Variants in DKC1 observed in about 807,000 individuals in gnomAD.
DKC1 encodes the protein H/ACA ribonucleoprotein complex subunit DKC1.
A neutral mutation model predicts 46.7 loss-of-function variants in DKC1; 4 were observed. The ratio of observed to expected loss-of-function variants is 0.09; its 90% CI spans 0.04 to 0.20. DKC1 has a LOEUF of 0.20. Among genes scored for constraint, DKC1 ranks in the 10% least tolerant of loss-of-function variants. The pLI is 1.00. For synonymous variants in DKC1, 141 were observed against 142.4 expected (o/e 0.99, Z 0.07); for missense variants, 171 against 404.2 (o/e 0.42, Z 4.95).
In DKC1 at chrX:154,777,260, T is replaced by C. The variant is rs1347696333; in HGVS notation, c.*393T>C. 1 of 170,537 alleles carries C rather than the reference T, an allele frequency of 5.9e-6. No homozygotes were observed. The highest frequency in any genetic ancestry group is 7.4e-5 in the Admixed American group (1 of 13,572). 14.1% of individuals were successfully genotyped at this position (170,537 alleles called of 1,213,427 possible). ...AAAACAAAAAACTAAGTCTGCTCAG[T>C]GAAATGCTGTAGAACCCTAAATAAG... On this transcript the variant is annotated 3_prime_UTR_variant, in exon 15 of 15. Transcript: ENST00000369550.
At position 154,766,488 on chromosome X, in the gene DKC1, T is replaced by C. The variant is rs2071746767; in HGVS notation, c.448+88T>C. The C allele has an allele frequency of 1.3e-5, 12 of 903,603 alleles. No individual in the cohort carries two copies. In the South Asian group the frequency reaches 2.7e-4, roughly 20 times the overall value. The allele number at this position is 903,603 out of a possible 1,213,427, so 74.5% of individuals were successfully genotyped here. On this transcript the variant is annotated intron_variant, in intron 5 of 14. Transcript: ENST00000369550. ...GTTTTGTCTGCTGGAAACTATTTCT[T>C]CATTAAGAAAAAAAAAAATCCTAAA...
chrX:154,766,664 C>T (rs940761886), intron 5 of DKC1: 8 of 433,058 alleles, frequency 1.8e-5, no homozygotes, highest in East Asian at 7.7e-5. Context: ...TCACTCCAGG[C>T]TTCTCACTCT....
chrX:154,768,648 C>A (rs782625895), intron 8 of DKC1: 1 of 530,104 alleles, frequency 1.9e-6, no homozygotes, highest in Admixed American at 2.5e-5. Context: ...ATTTGCCTCC[C>A]AGCCTACAAA....
intron 3 of DKC1, 89 bp from the exon 4 acceptor site, chrX:154,765,818 A>T: frequency 1.4e-6 from 1 of 709,949 alleles, no homozygotes; most frequent in Non-Finnish European, 2.3e-6. Context: ...GACCTATGCC[A>T]GTTTGTGGGC....
At chrX:154,773,655 G>A (rs781882995) in intron 11 of DKC1, among the ~76,000 whole-genome samples, 4,266 of 110,420 alleles carry the variant, frequency 0.039, 279 homozygotes, top group African/African-American at 0.14. Context: ...AGGCAGAAGA[G>A]TTTTTCTTAG....
At chrX:154,776,721 T>A (rs782558851) in intron 14 of DKC1, 78 bp from the exon 15 acceptor site, 6 of 1,020,632 alleles carry the variant, frequency 5.9e-6, no homozygotes, top group Non-Finnish European at 8.3e-6. Flanking sequence ...CTGTGGACCT[T>A]TACCAGATTT....
chrX:154,769,187 T>C lies in DKC1; in HGVS notation c.792T>C (p.His264=). The change falls in exon 9 of 15, where the codon CAT becomes CAC. Residue 264 remains histidine, a synonymous_variant. Coordinates refer to ENST00000369550, the MANE Select transcript of DKC1 (RefSeq NM_001363.5). ...TTCAGGACCACATGGTGACAATGCA[T>C]GATGTGCTTGATGCTCAGTGGCTGT... ...MSEKDHMVTM[H]DVLDAQWLYD... is the part of the protein sequence containing the mutation. 1 of 1,210,349 alleles carries C rather than the reference T, an allele frequency of 8.3e-7. No individual in the cohort carries two copies. The highest frequency in any genetic ancestry group is 1.1e-6 in the Non-Finnish European group (1 of 894,789).
intron 5 of DKC1, 52 bp downstream of exon 5, chrX:154,766,452 T>C (rs781795217): frequency 1.2e-5 from 13 of 1,063,832 alleles, no homozygotes; most frequent in Non-Finnish European, 1.7e-5. Flanking sequence ...CTTTCTGTAT[T>C]TCCCTTCTAT....
At position 154,765,479 on chromosome X, in the gene DKC1, T is replaced by G; in HGVS notation, c.120T>G (p.Pro40=). 1.7e-6 allele frequency: 2 copies of G among 1,211,034 alleles called. No individual in the cohort carries two copies. Among genetic ancestry groups the G allele is most frequent in the Non-Finnish European group, 2.2e-6 (2 of 894,373 alleles). ...IQHAEEFLIK[P]ESKVAKLDTS... is the part of the protein sequence containing the mutation. ...ACGCTGAAGAATTTCTTATCAAACCTGAATCCAAAGTTGCTAAGTTGGACA... is the reference window on the plus strand; with the variant it reads ...ACGCTGAAGAATTTCTTATCAAACCGGAATCCAAAGTTGCTAAGTTGGACA... The change falls in exon 3 of 15, where the codon CCT becomes CCG. Residue 40 remains proline (P), a synonymous_variant. Transcript: ENST00000369550.
rs782215854 is a variant in DKC1 at position 154,767,046 on chromosome X, G to A, written c.498G>A (p.Gly166=). ...GGCTGCACAATGCTATTGAAGGGGG[G>A]ACCCAGCTTTCTAGGGTAAGTCTGC... ...IVRLHNAIEG[G]TQLSRALETL... The change falls in exon 6 of 15, where the codon GGG becomes GGA. Residue 166 remains glycine, a synonymous_variant. Coordinates refer to ENST00000369550, the MANE Select transcript of DKC1 (RefSeq NM_001363.5). The A allele has an allele frequency of 9.9e-6, 12 of 1,210,894 alleles. No individual in the cohort carries two copies. In the South Asian group the frequency reaches 1.6e-4, roughly 16 times the overall value.
chrX:154,774,791 G>C (rs947460497), intron 12 of DKC1, 86 bp downstream of exon 12: 3 of 847,748 alleles, frequency 3.5e-6, no homozygotes, highest in Non-Finnish European at 5.3e-6. Flanking sequence ...AACAGGTGAG[G>C]ATGGGAAGGT....
intron 10 of DKC1, among the ~76,000 whole-genome samples, chrX:154,771,600 T>C (rs782062969): frequency 1.8e-5 from 2 of 110,066 alleles, no homozygotes; most frequent in East Asian, 2.8e-4. Flanking sequence ...TTCAATTGTT[T>C]CGATTCTTAG....
At position 154,777,639 on chromosome X, in the gene DKC1, A is replaced by G. The variant is rs1473972647; in HGVS notation, c.*772A>G. On this transcript the variant is annotated 3_prime_UTR_variant, in exon 15 of 15. Transcript: ENST00000369550. ...TCATGCTAGCAGAGCAAAAATTGTA[A>G]AATATTTTGATTAAAAATCTAGGGA... 1 of 112,357 alleles carries G rather than the reference A, an allele frequency of 8.9e-6. No homozygotes were observed. Among genetic ancestry groups the G allele is most frequent in the Non-Finnish European group, 1.9e-5 (1 of 53,258 alleles). The allele number at this position is 112,357 out of a possible 1,213,427, so 9.3% of individuals were successfully genotyped here.
intron 1 of DKC1, 31 bp from the exon 2 acceptor site, chrX:154,764,868 A>C: frequency 8.9e-7 from 1 of 1,122,565 alleles, no homozygotes; most frequent in Non-Finnish European, 1.2e-6. Context: ...TTCTTGGGGA[A>C]AATTCCCAAA....
At chrX:154,774,548 G>A in intron 11 of DKC1, 54 bp from the exon 12 acceptor site, 1 of 1,064,789 alleles carries the variant, frequency 9.4e-7, no homozygotes, top group Admixed American at 2.2e-5. Context: ...TAGTCACCAT[G>A]CCCGCTTCCA....
Position 154,776,856 on chromosome X carries a change from G to A in DKC1, c.1534G>A (p.Val512Ile). ...KKKKAKEVEL[V>I]SE is the part of the protein sequence containing the mutation. ...GAAGAAAGCAAAAGAGGTAGAATTG[G>A]TTTCTGAGTAGTGAAGGCCACTTGA... Residue 512 changes from valine (V) to isoleucine (I), a missense_variant, in exon 15 of 15, where the codon GTT (valine) becomes ATT (isoleucine). By Grantham distance (29) the Val-to-Ile change is conservative. Around this residue, in one of 4 missense-constraint regions of DKC1, gnomAD observed 54 missense variants for 64.4 expected, o/e 0.84. Coordinates refer to ENST00000369550, the MANE Select transcript of DKC1 (RefSeq NM_001363.5). 1 of 1,202,531 alleles carries A rather than the reference G, an allele frequency of 8.3e-7. No homozygotes were observed. The highest frequency in any genetic ancestry group is 1.1e-6 in the Non-Finnish European group (1 of 889,256).
chrX:154,766,379 G>T lies in DKC1; in HGVS notation c.427G>T (p.Val143Leu). The part of the protein sequence containing the change: ...IVCIERATRL[V>L]KSQQSAGKEY... ...GTGCATAGAACGAGCCACTCGCTTG[G>T]TGAAGTCACAACAGAGTGCAGGTAT... The change falls in exon 5 of 15, where the codon GTG becomes TTG. Residue 143 changes from valine to leucine, a missense_variant. Val to Leu is a conservative substitution (Grantham distance 32, BLOSUM62 1). Coordinates refer to ENST00000369550, the MANE Select transcript of DKC1 (RefSeq NM_001363.5). 1 of 1,211,068 alleles carries T rather than the reference G, an allele frequency of 8.3e-7. No homozygotes were observed. The highest frequency in any genetic ancestry group is 1.1e-6 in the Non-Finnish European group (1 of 895,216).
At chrX:154,776,365 C>G (rs1557265712) in intron 14 of DKC1, 41 bp downstream of exon 14, 3 of 1,165,335 alleles carry the variant, frequency 2.6e-6, no homozygotes, top group Admixed American at 5.1e-5. Flanking sequence ...CTGGCTTAGT[C>G]CCTGCGTGGG....
In DKC1 at chrX:154,776,837, A is replaced by G; in HGVS notation, c.1515A>G (p.Lys505=). The change falls in exon 15 of 15, where the codon AAA becomes AAG. Residue 505 remains lysine, a synonymous_variant. Transcript: ENST00000369550. ...DTTKKKKKKK[K]AKEVELVSE ...CCAAGAAGAAGAAGAAGAAGAAGAA[A>G]GCAAAAGAGGTAGAATTGGTTTCTG... The G allele has an allele frequency of 8.3e-7, 1 of 1,206,722 alleles. No individual in the cohort carries two copies. The highest frequency in any genetic ancestry group is 1.1e-6 in the Non-Finnish European group (1 of 892,583).
Sources: gnomAD v4.1 joint callset for allele counts (sites outside exome capture counted in the v4.1 genomes callset) on GRCh38, gnomAD v4.1.1 for gene constraint, gnomAD v4.1.1 regional missense constraint, MANE v1.5 for transcripts, NCBI Gene and HGNC (gene_info 2026-07-23, HGNC 2026-07-21) for gene names.